GPR176: variants seen among roughly 807,000 people sequenced by gnomAD.
GPR176 encodes G protein-coupled receptor 176.
GPR176 carries 26 observed loss-of-function variants against 35.4 expected under a neutral mutation model. The ratio of observed to expected loss-of-function variants is 0.74; its 90% confidence interval spans 0.54 to 1.02. GPR176 has a LOEUF of 1.02. Ranked by LOEUF, GPR176 falls within the 50% of genes least tolerant of loss-of-function variation. The pLI, the probability that GPR176 is intolerant of heterozygous loss-of-function variation, is 0.00. For missense variants in GPR176, 597 were observed against 665.3 expected, an observed-to-expected ratio of 0.90 and a Z score of 1.13; for synonymous variants, 278 against 271.3, an observed-to-expected ratio of 1.02 and a Z score of -0.24.
Position 39,833,824 on chromosome 15 carries a change from AG to A in GPR176, c.173-26567del, listed in dbSNP as rs1901239341. Among the ~76,000 whole-genome samples, 5 of 152,296 alleles carry A rather than the reference AG, an allele frequency of 3.3e-5. No individual in the cohort carries two copies. In the South Asian group the frequency reaches 1.0e-3, roughly 32 times the overall value. ...GATTGCGGTCTCCCAATTAAGTCAA[AG>A]AATAAAGACAGCTGGCGCAGAAATG... On this transcript the variant is annotated intron_variant, in intron 1 of 2. Coordinates refer to ENST00000561100, the MANE Select transcript of GPR176 (RefSeq NM_007223.3).
At chr15:39,840,969 C>G (rs148611045) in intron 1 of GPR176, among the ~76,000 whole-genome samples, 9 of 152,240 alleles carry the variant, frequency 5.9e-5, no homozygotes, top group Non-Finnish European at 1.2e-4. Context: ...TGCACATGAT[C>G]ACATAGTAAT....
chr15:39,870,954 C>T (rs1235103084), intron 1 of GPR176, among the ~76,000 whole-genome samples: 1 of 152,124 alleles, frequency 6.6e-6, no homozygotes, highest in Non-Finnish European at 1.5e-5. Context: ...AAGATAATCT[C>T]AGATAAGATT....
At chr15:39,882,697 GT>G in intron 1 of GPR176, among the ~76,000 whole-genome samples, 1 of 152,326 alleles carries the variant, frequency 6.6e-6, no homozygotes, top group East Asian at 1.9e-4. Flanking sequence ...TAATCTTAAT[GT>G]GGTGTTGTAG....
At chr15:39,820,952 A>T (rs1900232705) in intron 1 of GPR176, among the ~76,000 whole-genome samples, 1 of 152,184 alleles carries the variant, frequency 6.6e-6, no homozygotes, top group African/African-American at 2.4e-5. Flanking sequence ...CTGTGCCTGA[A>T]TCTTCATTAG....
rs149281700 is a variant in GPR176 at position 39,885,323 on chromosome 15, T to A, written c.172+34532A>T. 1.9e-3 allele frequency among the ~76,000 whole-genome samples: 288 copies of A among 152,338 alleles called. 1 individual carries two copies. Among genetic ancestry groups the A allele is most frequent in the African/African-American group, 6.4e-3 (264 of 41,566 alleles). On this transcript the variant is annotated intron_variant, in intron 1 of 2. Coordinates refer to ENST00000561100, the MANE Select transcript of GPR176 (RefSeq NM_007223.3). ...CTGCCAATTCCACATAAGAAATATATTTGTGCCCTTTTTAAAAGCCAGGAT... is the reference window on the plus strand; with the variant it reads ...CTGCCAATTCCACATAAGAAATATAATTGTGCCCTTTTTAAAAGCCAGGAT...
intron 1 of GPR176, among the ~76,000 whole-genome samples, chr15:39,823,873 T>C (rs1444819757): frequency 6.6e-6 from 1 of 152,192 alleles, no homozygotes; most frequent in South Asian, 2.1e-4. Flanking sequence ...AGCAGCCCCA[T>C]GGGCCTTCAC....
intron 1 of GPR176, among the ~76,000 whole-genome samples, chr15:39,880,910 A>G (rs1401313203): frequency 6.6e-6 from 1 of 152,106 alleles, no homozygotes; most frequent in African/African-American, 2.4e-5. Flanking sequence ...TACCTCCATC[A>G]TCTCCAGCCT....
At chr15:39,817,154 G>A (rs1389461081) in intron 1 of GPR176, among the ~76,000 whole-genome samples, 1 of 150,504 alleles carries the variant, frequency 6.6e-6, no homozygotes, top group Non-Finnish European at 1.5e-5. Context: ...TGTGCATTTA[G>A]GCTCACAGGA....
intron 1 of GPR176, among the ~76,000 whole-genome samples, chr15:39,865,752 C>G (rs1362951779): frequency 6.6e-6 from 1 of 152,126 alleles, no homozygotes; most frequent in Non-Finnish European, 1.5e-5. Context: ...TCTTTAAACC[C>G]TATGGAAAAA....
At chr15:39,865,788 T>C (rs57961139) in intron 1 of GPR176, among the ~76,000 whole-genome samples, 22,976 of 152,172 alleles carry the variant, frequency 0.15, 2,929 homozygotes, top group African/African-American at 0.31. Flanking sequence ...ACATATGCAT[T>C]GGCAACATCT....
At chr15:39,836,747 T>C (rs560388279) in intron 1 of GPR176, among the ~76,000 whole-genome samples, 1 of 152,150 alleles carries the variant, frequency 6.6e-6, no homozygotes, top group Non-Finnish European at 1.5e-5. Context: ...GAAAACCCTT[T>C]ACTCTGGGTC....
At chr15:39,864,206 G>GAA (rs1377651080) in intron 1 of GPR176, among the ~76,000 whole-genome samples, 1 of 152,028 alleles carries the variant, frequency 6.6e-6, no homozygotes, top group African/African-American at 2.4e-5. Flanking sequence ...ACCAGCAATG[G>GAA]AATAAGGCTC....
chr15:39,824,248 T>C (rs1900476587), intron 1 of GPR176, among the ~76,000 whole-genome samples: 1 of 152,230 alleles, frequency 6.6e-6, no homozygotes, highest in African/African-American at 2.4e-5. Context: ...GCTTCATGTA[T>C]AGCCTGCAGA....
chr15:39,853,845 T>C (rs2031030423), intron 1 of GPR176, among the ~76,000 whole-genome samples: 1 of 152,194 alleles, frequency 6.6e-6, no homozygotes, highest in African/African-American at 2.4e-5. Context: ...TGTTAAATCC[T>C]GCTCAAGAGT....
At chr15:39,880,118 G>T (rs1441291760) in intron 1 of GPR176, among the ~76,000 whole-genome samples, 1 of 152,136 alleles carries the variant, frequency 6.6e-6, no homozygotes. Flanking sequence ...TCAACTCCTG[G>T]CACAGTGGCT....
intron 1 of GPR176, among the ~76,000 whole-genome samples, chr15:39,843,559 T>C (rs763321795): frequency 2.6e-5 from 4 of 151,054 alleles, no homozygotes. Context: ...TGCCAGTTGA[T>C]TGACAGATCA....
intron 1 of GPR176, among the ~76,000 whole-genome samples, chr15:39,816,259 C>T (rs1899900107): frequency 1.3e-5 from 2 of 152,086 alleles, no homozygotes; most frequent in African/African-American, 4.8e-5. Context: ...TTTACAATTG[C>T]TTTAAAATGT....
chr15:39,884,069 A>G (rs1566961992), intron 1 of GPR176, among the ~76,000 whole-genome samples: 2 of 152,234 alleles, frequency 1.3e-5, no homozygotes, highest in Admixed American at 1.3e-4. Context: ...TCTCAGAAGC[A>G]GTTACCAGGT....
At chr15:39,866,272 C>A (rs1310106162) in intron 1 of GPR176, among the ~76,000 whole-genome samples, 2 of 152,062 alleles carry the variant, frequency 1.3e-5, no homozygotes, top group East Asian at 3.8e-4. Context: ...ACAGGCTGGA[C>A]TTTTCTAATT....
Sources: gnomAD v4.1 joint callset for allele counts (sites outside exome capture counted in the v4.1 genomes callset) on GRCh38, gnomAD v4.1.1 for gene constraint, MANE v1.5 for transcripts, NCBI Gene and HGNC (gene_info 2026-07-23, HGNC 2026-07-21) for gene names.